ST7: variants seen among roughly 807,000 people sequenced by gnomAD.
ST7 encodes the protein suppression of tumorigenicity 7.
In ST7, 28 loss-of-function variants were observed where a neutral mutation model predicts 78.7. The observed-to-expected ratio is 0.36, with a 90% CI of 0.26 to 0.49. The LOEUF (loss-of-function observed/expected upper bound fraction) is 0.49, where lower values mean the gene tolerates loss of function less well. Among genes scored for constraint, ST7 ranks in the 20% least tolerant of loss-of-function variants. ST7 has a pLI of 0.99. For synonymous variants in ST7, 247 were observed against 249.6 expected, an observed-to-expected ratio of 0.99 and a Z score of 0.10; for missense variants, 418 against 696.0, an observed-to-expected ratio of 0.60 and a Z score of 4.49.
At chr7:117,208,670 T>C (rs1482885998) in intron 12 of ST7, among the ~76,000 whole-genome samples, 2 of 152,202 alleles carry the variant, frequency 1.3e-5, no homozygotes, top group Admixed American at 1.3e-4. Flanking sequence ...TGCCATAGTC[T>C]CCATTCTGTA....
intron 1 of ST7, among the ~76,000 whole-genome samples, chr7:117,079,656 G>A (rs1799608890): frequency 6.6e-6 from 1 of 152,024 alleles, no homozygotes; most frequent in Non-Finnish European, 1.5e-5. Context: ...TTAGAAAATA[G>A]CCTGTATTGT....
In ST7 at chr7:117,184,868, G is replaced by A. The variant is rs187647336; in HGVS notation, c.1079-4453G>A. Among the ~76,000 whole-genome samples, 237 of 152,300 alleles carry A rather than the reference G, an allele frequency of 1.6e-3. 1 individual carries two copies. The highest frequency in any genetic ancestry group is 4.8e-3 in the African/African-American group (200 of 41,558). On this transcript the variant is annotated intron_variant, in intron 10 of 15. Coordinates refer to ENST00000323984, the MANE Select transcript of ST7 (RefSeq NM_001369598.1). ...TACTACAGTTATATAAAATATCACCGTTGGGAGAAGCTGAGTGAAACATTT... is the reference window on the plus strand; with the variant it reads ...TACTACAGTTATATAAAATATCACCATTGGGAGAAGCTGAGTGAAACATTT...
intron 9 of ST7, among the ~76,000 whole-genome samples, chr7:117,154,852 G>C (rs960671510): frequency 3.9e-5 from 6 of 152,104 alleles, no homozygotes; most frequent in Non-Finnish European, 5.9e-5. Context: ...AGGAACTTGA[G>C]GAATTGGCAA....
Position 117,202,240 on chromosome 7 carries a change from GCGT to G in ST7, c.1255-7546_1255-7544del, listed in dbSNP as rs1810934817. Among the ~76,000 whole-genome samples the G allele has an allele frequency of 9.8e-5, 2 of 20,512 alleles. 1 individual carries two copies. The allele number at this position is 20,512 out of a possible 152,430, so 13.5% of individuals were successfully genotyped here. On this transcript the variant is annotated intron_variant, in intron 12 of 15. Transcript: ENST00000323984. The stretch of plus-strand genomic sequence containing the variant: ...GCCTCCCAAAGTGCTGGGATTACAG[GCGT>G]GAGCCACCGCGCCCGGCCTCGAAGC...
At chr7:117,029,499 G>T (rs1796366928) in intron 1 of ST7, among the ~76,000 whole-genome samples, 1 of 151,894 alleles carries the variant, frequency 6.6e-6, no homozygotes, top group Non-Finnish European at 1.5e-5. Flanking sequence ...CTTTTGTCAG[G>T]TGTATGTATT....
At chr7:116,995,831 A>G (rs1403556549) in intron 1 of ST7, among the ~76,000 whole-genome samples, 2 of 152,184 alleles carry the variant, frequency 1.3e-5, no homozygotes, top group African/African-American at 4.8e-5. Context: ...CAATTTTTAT[A>G]TGAAGTTTCC....
intron 15 of ST7, among the ~76,000 whole-genome samples, chr7:117,226,704 G>A (rs998949004): frequency 6.6e-6 from 1 of 152,174 alleles, no homozygotes; most frequent in African/African-American, 2.4e-5. Context: ...TTCCTTGCAG[G>A]TATGGGATGG....
intron 15 of ST7, among the ~76,000 whole-genome samples, chr7:117,228,281 A>G (rs1793576735): frequency 6.6e-6 from 1 of 152,150 alleles, no homozygotes; most frequent in African/African-American, 2.4e-5. Context: ...CCTGATTGCC[A>G]TCACAGCCTA....
chr7:117,129,733 A>T, intron 3 of ST7, 60 bp from the exon 4 acceptor site: 2 of 1,299,350 alleles, frequency 1.5e-6, no homozygotes, highest in Non-Finnish European at 2.2e-6. Flanking sequence ...TTGCTGAATT[A>T]ATTAGCTTGT....
intron 15 of ST7, chr7:117,222,867 G>A: frequency 1.2e-6 from 2 of 1,613,798 alleles, no homozygotes; most frequent in Non-Finnish European, 1.7e-6. Context: ...CCAGATGATT[G>A]ACATTTTCTG....
At chr7:117,090,553 C>A (rs1186247878) in intron 1 of ST7, among the ~76,000 whole-genome samples, 1 of 152,102 alleles carries the variant, frequency 6.6e-6, no homozygotes, top group African/African-American at 2.4e-5. Flanking sequence ...AGCAAAGTTT[C>A]TATTTCTCTT....
At chr7:117,211,285 G>C (rs1225083750) in intron 13 of ST7, among the ~76,000 whole-genome samples, 1 of 152,158 alleles carries the variant, frequency 6.6e-6, no homozygotes, top group East Asian at 1.9e-4. Context: ...CACACTCCAG[G>C]TGCCTGCGTG....
intron 10 of ST7, among the ~76,000 whole-genome samples, chr7:117,177,342 T>A (rs1808416517): frequency 6.6e-6 from 1 of 152,242 alleles, no homozygotes; most frequent in African/African-American, 2.4e-5. Flanking sequence ...AATGCATACA[T>A]CTGTAATTCA....
intron 12 of ST7, among the ~76,000 whole-genome samples, chr7:117,201,561 T>G (rs1272307491): frequency 8.6e-6 from 1 of 115,678 alleles, no homozygotes; most frequent in African/African-American, 7.7e-5. Flanking sequence ...TTGTGTGTGG[T>G]TTTTTTTTTT....
At chr7:117,214,159 A>G (rs1792505491) in intron 13 of ST7, among the ~76,000 whole-genome samples, 1 of 152,198 alleles carries the variant, frequency 6.6e-6, no homozygotes, top group Non-Finnish European at 1.5e-5. Flanking sequence ...GCCGACCACA[A>G]CTGTGAACTT....
At chr7:117,134,890 G>A (rs1189130570) in intron 7 of ST7, among the ~76,000 whole-genome samples, 1 of 152,100 alleles carries the variant, frequency 6.6e-6, no homozygotes, top group Admixed American at 6.6e-5. Flanking sequence ...AAATTAGAGA[G>A]ACTGGCTAAA....
chr7:117,113,291 A>G (rs1029591958), intron 2 of ST7, among the ~76,000 whole-genome samples: 4 of 152,238 alleles, frequency 2.6e-5, no homozygotes, highest in Non-Finnish European at 5.9e-5. Flanking sequence ...ACTCTGCCCT[A>G]GCATCTTTCT....
intron 1 of ST7, chr7:116,972,082 G>C: frequency 1.9e-6 from 1 of 523,696 alleles, no homozygotes; most frequent in Non-Finnish European, 3.7e-6. Context: ...TCAGTCCTCA[G>C]TTAAAGGTCA....
At chr7:116,957,309 G>A (rs1248583671) in intron 1 of ST7, among the ~76,000 whole-genome samples, 2 of 152,018 alleles carry the variant, frequency 1.3e-5, no homozygotes, top group East Asian at 3.8e-4. Context: ...AAAAAGAAAG[G>A]GGAGAAAACG....
Sources: gnomAD v4.1 joint callset for allele counts (sites outside exome capture counted in the v4.1 genomes callset) on GRCh38, gnomAD v4.1.1 for gene constraint, MANE v1.5 for transcripts, NCBI Gene and HGNC (gene_info 2026-07-23, HGNC 2026-07-21) for gene names.